The following AXIN1 variants were observed in gnomAD, a reference collection of about 807,000 sequenced individuals.
AXIN1 encodes the protein axin-1.
A neutral mutation model predicts 76.4 loss-of-function variants in AXIN1; 30 were observed. That is an observed-to-expected ratio of 0.39 (90% CI 0.29 to 0.53). AXIN1 has a LOEUF of 0.53. Ranked by LOEUF, AXIN1 falls within the 20% of genes least tolerant of loss-of-function variation. AXIN1 has a pLI of 0.66. For missense variants in AXIN1, 1,140 were observed against 1,198.8 expected, an observed-to-expected ratio of 0.95 and a Z score of 0.72; for synonymous variants, 545 against 501.4, an observed-to-expected ratio of 1.09 and a Z score of -1.16.
chr16:335,626 A>G (rs2141668835), intron 2 of AXIN1, among the ~76,000 whole-genome samples: 2 of 152,038 alleles, frequency 1.3e-5, no homozygotes, highest in African/African-American at 4.8e-5. Flanking sequence ...ATGGCACCCA[A>G]TAACAGCACC....
intron 2 of AXIN1, among the ~76,000 whole-genome samples, chr16:343,647 G>A (rs973678867): frequency 8.6e-5 from 13 of 150,556 alleles, no homozygotes; most frequent in African/African-American, 2.2e-4. Flanking sequence ...AGGTTGCAGT[G>A]AGCTGAGATT....
intron 2 of AXIN1, among the ~76,000 whole-genome samples, chr16:320,946 G>A (rs946228760): frequency 2.6e-5 from 4 of 151,816 alleles, no homozygotes; most frequent in Non-Finnish European, 4.4e-5. Context: ...CGCCGTGTTG[G>A]TCAGGCTGGT....
At chr16:333,175 A>G (rs1186099992) in intron 2 of AXIN1, among the ~76,000 whole-genome samples, 1 of 152,110 alleles carries the variant, frequency 6.6e-6, no homozygotes, top group Non-Finnish European at 1.5e-5. Flanking sequence ...TCTACTAAAA[A>G]TACAAAATTA....
intron 5 of AXIN1, among the ~76,000 whole-genome samples, chr16:301,153 CCCAGCT>C (rs2052860842): frequency 6.6e-6 from 1 of 152,056 alleles, no homozygotes; most frequent in Non-Finnish European, 1.5e-5. Flanking sequence ...CGCCTGTAGT[CCCAGCT>C]ACTGGGGAGG....
In AXIN1 at chr16:289,420, A is replaced by AC; in HGVS notation, c.2462+19dup. 6.2e-7 allele frequency: 1 copy of AC among 1,612,384 alleles called. No homozygotes were observed. The highest frequency in any genetic ancestry group is 8.5e-7 in the Non-Finnish European group (1 of 1,179,798). On this transcript the variant is annotated intron_variant, in intron 10 of 10. Transcript: ENST00000262320. ...CCACATACTCGTGCGGGGAGGGGGC[A>AC]CCCCAGCCCTCACACTCACCTGTAG...
chr16:304,274 C>A (rs771255563), intron 5 of AXIN1, 30 bp downstream of exon 5: 1 of 1,603,436 alleles, frequency 6.2e-7, no homozygotes, highest in South Asian at 1.1e-5. Context: ...GACACCGACG[C>A]GGAGCGCGAC....
intron 5 of AXIN1, among the ~76,000 whole-genome samples, 192 bp downstream of exon 5, chr16:304,112 C>A (rs139809936): frequency 6.6e-6 from 1 of 152,174 alleles, no homozygotes; most frequent in African/African-American, 2.4e-5. Context: ...GGCATGGGGC[C>A]GCTGGGACAT....
chr16:291,393 C>A, intron 8 of AXIN1, 96 bp from the exon 9 acceptor site: 2 of 1,079,624 alleles, frequency 1.9e-6, no homozygotes, highest in Non-Finnish European at 2.7e-6. Flanking sequence ...ACGGACGGAG[C>A]GTGAAGGGCC....
At chr16:306,958 C>T (rs1037697692) in intron 4 of AXIN1, among the ~76,000 whole-genome samples, 1 of 152,208 alleles carries the variant, frequency 6.6e-6, no homozygotes. Flanking sequence ...AACAAGCCAC[C>T]CTTTCCCGCT....
intron 2 of AXIN1, among the ~76,000 whole-genome samples, chr16:335,141 A>C (rs984748902): frequency 2.6e-5 from 4 of 152,172 alleles, no homozygotes; most frequent in Non-Finnish European, 4.4e-5. Flanking sequence ...TTTTTTGTTC[A>C]CCATGGAAAT....
chr16:299,797 A>G (rs2052820613), intron 5 of AXIN1, among the ~76,000 whole-genome samples: 1 of 152,044 alleles, frequency 6.6e-6, no homozygotes. Flanking sequence ...CTGGGACTAC[A>G]GGTGCCCGCC....
At chr16:348,525 C>A (rs952284489) in intron 1 of AXIN1, among the ~76,000 whole-genome samples, 1 of 152,330 alleles carries the variant, frequency 6.6e-6, no homozygotes, top group East Asian at 1.9e-4. Context: ...CAGAGCCAGG[C>A]GTGGTGTCAC....
chr16:341,439 C>G (rs1031362653), intron 2 of AXIN1, among the ~76,000 whole-genome samples: 12 of 152,246 alleles, frequency 7.9e-5, no homozygotes, highest in Non-Finnish European at 7.4e-5. Flanking sequence ...CTGGGTCCCC[C>G]GGCAGTGCCG....
rs1358087716 is a variant in AXIN1 at position 287,828 on chromosome 16, G to T, written c.*294C>A. 65 of 375,172 alleles carry T rather than the reference G, an allele frequency of 1.7e-4. No individual in the cohort carries two copies. The highest frequency in any genetic ancestry group is 5.7e-4 in the South Asian group (21 of 36,822). The allele number at this position is 375,172 out of a possible 1,614,324, so 23.2% of individuals were successfully genotyped here. A position where few individuals can be genotyped will look rare whatever the true frequency, so the allele number is the denominator to read the frequency against. On this transcript the variant is annotated 3_prime_UTR_variant, in exon 11 of 11. Transcript: ENST00000262320. Reference sequence around the variant, plus strand: ...GTGCCCAAGGGAGGTGCCGGGGGATGGGGGGGGGTCACCTGAAGCTGGCAG... The same window carrying T: ...GTGCCCAAGGGAGGTGCCGGGGGATTGGGGGGGGTCACCTGAAGCTGGCAG...
At chr16:326,394 T>TATATATAC (rs144093618) in intron 2 of AXIN1, among the ~76,000 whole-genome samples, 5 of 119,670 alleles carry the variant, frequency 4.2e-5, no homozygotes, top group East Asian at 2.2e-4. Flanking sequence ...TATATATATA[T>TATATATAC]ACACACCTAT....
Position 304,442 on chromosome 16 carries a change from C to T in AXIN1, c.1117-1G>A, listed in dbSNP as rs2141547449. The T allele has an allele frequency of 6.2e-7, 1 of 1,612,714 alleles. No homozygotes were observed. The highest frequency in any genetic ancestry group is 8.5e-7 in the Non-Finnish European group (1 of 1,179,964). ...CCTCCTTCGGCACCCGGTACGTGCG[C>T]TGCGAGGGACAGGACTGTGAGGCAC... On this transcript the variant is annotated splice_acceptor_variant, in intron 4 of 10. Coordinates refer to ENST00000262320, the MANE Select transcript of AXIN1 (RefSeq NM_003502.4). LOFTEE classifies it high-confidence loss of function.
rs760881241 is a variant in AXIN1, at chr16:289,440, C to T, written c.2462G>A (p.Arg821Lys). Residue 821 changes from arginine to lysine, a missense_variant and splice_region_variant, in exon 10 of 11, where the codon AGA becomes AAA. This residue lies in a region of AXIN1 where 429 missense variants were observed against 405.8 expected (regional missense o/e 1.06). Coordinates refer to ENST00000262320, the MANE Select transcript of AXIN1 (RefSeq NM_003502.4). ...GGGGCACCCCAGCCCTCACACTCAC[C>T]TGTAGCTGCCCTTTTTGGTCAGCAG... Reference protein sequence around the residue: ...KELLTKKGSYRYYFKKVSDEF... With the variant: ...KELLTKKGSYKYYFKKVSDEF... The T allele has an allele frequency of 1.9e-6, 3 of 1,612,882 alleles. No individual in the cohort carries two copies. Among genetic ancestry groups the T allele is most frequent in the Non-Finnish European group, 2.5e-6 (3 of 1,180,000 alleles).
At chr16:338,637 G>C (rs1365377745) in intron 2 of AXIN1, among the ~76,000 whole-genome samples, 1 of 152,248 alleles carries the variant, frequency 6.6e-6, no homozygotes, top group Non-Finnish European at 1.5e-5. Context: ...AAAAATACAA[G>C]ATGGACTGGG....
chr16:340,507 G>T (rs548246142), intron 2 of AXIN1, among the ~76,000 whole-genome samples: 72 of 152,376 alleles, frequency 4.7e-4, no homozygotes, highest in African/African-American at 1.7e-3. Context: ...AAGCCACCCT[G>T]AAGGGAAGCA....
Sources: allele counts gnomAD v4.1 joint callset (sites outside exome capture counted in the v4.1 genomes callset), GRCh38; gene constraint gnomAD v4.1.1; regional missense constraint gnomAD v4.1.1; transcripts MANE v1.5; gene names NCBI Gene and HGNC (gene_info 2026-07-23, HGNC 2026-07-21).